The following SCRG1 variants were observed in gnomAD, a reference collection of about 807,000 sequenced individuals.
SCRG1 encodes stimulator of chondrogenesis 1, also known as scrapie-responsive protein 1.
Under a neutral mutation model 7.7 loss-of-function variants are expected in SCRG1, and 3 were observed. That is an observed-to-expected ratio of 0.39 (90% CI 0.18 to 1.01). SCRG1 has a LOEUF of 1.01. Among genes scored for constraint, SCRG1 ranks in the 50% least tolerant of loss-of-function variants. SCRG1 has a pLI of 0.36. For missense variants in SCRG1, 110 were observed against 117.2 expected (o/e 0.94, Z 0.28); for synonymous variants, 46 against 41.2 (o/e 1.12, Z -0.44).
the SCRG1 span, among the ~76,000 whole-genome samples, chr4:173,443,971 G>GTGTGTA: frequency 6.6e-6 from 1 of 151,450 alleles, no homozygotes; most frequent in African/African-American, 2.4e-5. Flanking sequence ...GTGTGTGTGT[G>GTGTGTA]TGTGTGTGTG....
chr4:173,422,229 T>C, the SCRG1 span, among the ~76,000 whole-genome samples: 1 of 152,198 alleles, frequency 6.6e-6, no homozygotes, highest in African/African-American at 2.4e-5. Context: ...CAGCTGTGGT[T>C]TCCAAAGGTT....
At chr4:173,498,781 C>T in the SCRG1 span, among the ~76,000 whole-genome samples, 6 of 152,012 alleles carry the variant, frequency 3.9e-5, no homozygotes, top group South Asian at 2.1e-4. Context: ...TATATACACA[C>T]GGAGAGACAG....
chr4:173,420,017 T>A, the SCRG1 span: 1 of 667,932 alleles, frequency 1.5e-6, no homozygotes, highest in Non-Finnish European at 2.8e-6. Flanking sequence ...TATTTATTTT[T>A]ATACTGTATC....
chr4:173,484,991 A>G, the SCRG1 span, among the ~76,000 whole-genome samples: 1 of 47,462 alleles, frequency 2.1e-5, no homozygotes, highest in Non-Finnish European at 3.5e-5. Context: ...AATATAATAT[A>G]TAATATATTA....
the SCRG1 span, among the ~76,000 whole-genome samples, chr4:173,483,972 T>A: frequency 2.5e-4 from 24 of 94,900 alleles, no homozygotes; most frequent in South Asian, 5.2e-3. Context: ...ATATTTTATA[T>A]AATATATAGT....
At chr4:173,450,145 C>G in the SCRG1 span, among the ~76,000 whole-genome samples, 10 of 152,166 alleles carry the variant, frequency 6.6e-5, no homozygotes, top group Admixed American at 6.5e-4. Context: ...GCAGGCAACT[C>G]TTCACCAGGT....
the SCRG1 span, among the ~76,000 whole-genome samples, chr4:173,435,181 C>T: frequency 6.6e-6 from 1 of 151,972 alleles, no homozygotes; most frequent in African/African-American, 2.4e-5. Context: ...TCAACTTCCC[C>T]TCCACCACCA....
chr4:173,396,152 T>C (rs945905556), intron 1 of SCRG1, among the ~76,000 whole-genome samples: 1 of 152,180 alleles, frequency 6.6e-6, no homozygotes, highest in Non-Finnish European at 1.5e-5. Flanking sequence ...TTGTCATTTG[T>C]TGAACTGAGG....
chr4:173,443,270 A>G, the SCRG1 span, among the ~76,000 whole-genome samples: 2 of 152,198 alleles, frequency 1.3e-5, no homozygotes, highest in East Asian at 1.9e-4. Context: ...AGAGACTTGT[A>G]TCAACAAAGC....
chr4:173,475,227 AG>A, the SCRG1 span, among the ~76,000 whole-genome samples: 1 of 152,254 alleles, frequency 6.6e-6, no homozygotes, highest in Admixed American at 6.5e-5. Context: ...GGCATAGACC[AG>A]GGGTTCTAAC....
At chr4:173,484,499 T>C in the SCRG1 span, among the ~76,000 whole-genome samples, 1 of 77,594 alleles carries the variant, frequency 1.3e-5, no homozygotes, top group Non-Finnish European at 2.2e-5. Flanking sequence ...ACATATAATA[T>C]ATATTATATA....
At chr4:173,413,732 T>C in the SCRG1 span, among the ~76,000 whole-genome samples, 1 of 152,208 alleles carries the variant, frequency 6.6e-6, no homozygotes, top group Non-Finnish European at 1.5e-5. Context: ...CTAGAAAATC[T>C]GCACATATTG....
the SCRG1 span, among the ~76,000 whole-genome samples, chr4:173,502,859 A>G: frequency 6.6e-6 from 1 of 152,236 alleles, no homozygotes; most frequent in Non-Finnish European, 1.5e-5. The surrounding 1 kb of genome is among the most constrained non-coding windows in gnomAD (Gnocchi z 4.6). Flanking sequence ...CTCTGGCTGC[A>G]ACAGCCTAGT....
At chr4:173,490,000 T>C in the SCRG1 span, among the ~76,000 whole-genome samples, 24 of 152,206 alleles carry the variant, frequency 1.6e-4, no homozygotes, top group Admixed American at 5.9e-4. Context: ...CAACATCAGT[T>C]CTAGCCACAG....
At chr4:173,392,015 C>T (rs1242363071) in intron 1 of SCRG1, among the ~76,000 whole-genome samples, 2 of 152,196 alleles carry the variant, frequency 1.3e-5, no homozygotes, top group Non-Finnish European at 2.9e-5. Flanking sequence ...TTTGAACATT[C>T]AGTAGAGAAC....
chr4:173,476,363 A>ATATATATATATATATATAT, the SCRG1 span, among the ~76,000 whole-genome samples: 44 of 98,490 alleles, frequency 4.5e-4, no homozygotes, highest in East Asian at 5.1e-3. Context: ...GGAAAAAAAA[A>ATATATATATATATATATAT]ATATATATAT....
At chr4:173,493,616 G>GAAA in the SCRG1 span, among the ~76,000 whole-genome samples, 83 of 95,666 alleles carry the variant, frequency 8.7e-4, no homozygotes, top group African/African-American at 2.8e-3. Flanking sequence ...GACTCAGTCA[G>GAAA]AAAAAAAAAA....
At chr4:173,406,629 C>A (rs903320974), upstream of SCRG1, among the ~76,000 whole-genome samples, 1 of 152,130 alleles carries the variant, frequency 6.6e-6, no homozygotes, top group African/African-American at 2.4e-5. Context: ...CTATTCAACC[C>A]TCCCCTCCCT....
At chr4:173,447,161 G>A in the SCRG1 span, among the ~76,000 whole-genome samples, 1 of 152,188 alleles carries the variant, frequency 6.6e-6, no homozygotes, top group African/African-American at 2.4e-5. Flanking sequence ...CAGGGTGTTA[G>A]CATGGCAGGG....
Sources: allele counts gnomAD v4.1 joint callset (sites outside exome capture counted in the v4.1 genomes callset), GRCh38; gene constraint gnomAD v4.1.1; non-coding constraint Gnocchi (gnomAD v3.1); transcripts MANE v1.5; gene names NCBI Gene and HGNC (gene_info 2026-07-23, HGNC 2026-07-21).